SEC22C: variants seen among roughly 807,000 people sequenced by gnomAD.
SEC22C encodes the protein vesicle-trafficking protein SEC22c.
A neutral mutation model predicts 34.7 loss-of-function variants in SEC22C; 29 were observed. That is an observed-to-expected ratio of 0.84 (90% CI 0.62 to 1.14). SEC22C has a LOEUF of 1.14. Ranked by LOEUF, SEC22C falls within the 50% of genes most tolerant of loss-of-function variation. The probability of loss-of-function intolerance (pLI) is 0.00; values close to 1 mark genes in which losing one functional copy is unlikely to be tolerated. For synonymous variants in SEC22C, 117 were observed against 132.8 expected, an observed-to-expected ratio of 0.88 and a Z score of 0.82; for missense variants, 337 against 369.0, an observed-to-expected ratio of 0.91 and a Z score of 0.71.
rs370697059 is a variant in SEC22C at position 42,563,700 on chromosome 3, G to A, written c.183-14C>T. 6 of 1,613,324 alleles carry A rather than the reference G, an allele frequency of 3.7e-6. No individual in the cohort carries two copies. In the African/African-American group the frequency reaches 6.7e-5, roughly 18 times the overall value. ...AAAGAAGAAAAACTGAAACAAAAGG[G>A]CAATATCTGTATTACCAGGAAACAG... On this transcript the variant is annotated splice_polypyrimidine_tract_variant and intron_variant, in intron 2 of 6. Coordinates refer to ENST00000264454, the MANE Select transcript of SEC22C (RefSeq NM_032970.4).
At chr3:42,592,229 C>T (rs1002647942) in intron 1 of SEC22C, among the ~76,000 whole-genome samples, 3 of 150,968 alleles carry the variant, frequency 2.0e-5, no homozygotes, top group Admixed American at 6.6e-5. Context: ...TTGAGACAGT[C>T]TCCCTCTGTC....
chr3:42,587,420 A>G (rs1704647573), intron 1 of SEC22C: 1 of 152,004 alleles, frequency 6.6e-6, no homozygotes, highest in South Asian at 2.1e-4. Context: ...CCTGATAGAA[A>G]CTTTAATGAT....
chr3:42,589,030 C>T (rs540253065), intron 1 of SEC22C, among the ~76,000 whole-genome samples: 15 of 151,912 alleles, frequency 9.9e-5, no homozygotes, highest in African/African-American at 3.6e-4. Context: ...TTTTGGAGGC[C>T]GAAGCGGGCG....
chr3:42,571,648 A>G (rs766549053), intron 1 of SEC22C, among the ~76,000 whole-genome samples: 13 of 152,190 alleles, frequency 8.5e-5, no homozygotes, highest in Non-Finnish European at 1.9e-4. Flanking sequence ...CTTTACAGGG[A>G]TTTGATATTT....
chr3:42,592,253 T>C (rs1704877897), intron 1 of SEC22C, among the ~76,000 whole-genome samples: 1 of 151,840 alleles, frequency 6.6e-6, no homozygotes, highest in African/African-American at 2.4e-5. Context: ...CAGGCTGGAG[T>C]GCAGTGGTGC....
chr3:42,590,840 G>T (rs1055607553), intron 1 of SEC22C: 5 of 1,556,062 alleles, frequency 3.2e-6, no homozygotes, highest in Non-Finnish European at 3.5e-6. Flanking sequence ...CGAGAGCGTA[G>T]GCCCCACCTA....
At position 42,568,872 on chromosome 3, in the gene SEC22C, T is replaced by A. The variant is rs771217365; in HGVS notation, c.175A>T (p.Ser59Cys). Reference protein sequence around the residue: ...GRGSAEGCDFSIHFSSFGDVA... With the variant: ...GRGSAEGCDFCIHFSSFGDVA... Reference sequence around the variant, plus strand: ...GTGAATATGATCACTTACTGTATACTAAAGTCACAACCTTCTGCAGAACCT... The same window carrying A: ...GTGAATATGATCACTTACTGTATACAAAAGTCACAACCTTCTGCAGAACCT... The change falls in exon 2 of 7, where the codon AGT becomes TGT. Residue 59 changes from serine (S) to cysteine (C), a missense_variant. By Grantham distance (112) the Ser-to-Cys change is moderately radical. Coordinates refer to ENST00000264454, the MANE Select transcript of SEC22C (RefSeq NM_032970.4). 2.5e-6 allele frequency: 4 copies of A among 1,614,138 alleles called. No individual in the cohort carries two copies. The South Asian group carries it at 4.4e-5, about 18-fold the overall frequency.
intron 1 of SEC22C, among the ~76,000 whole-genome samples, chr3:42,573,043 G>T (rs1049677479): frequency 3.3e-5 from 5 of 151,976 alleles, no homozygotes; most frequent in African/African-American, 1.2e-4. Context: ...GTAGACACAG[G>T]GTCTCGCTAT....
intron 1 of SEC22C, chr3:42,590,683 ACTGCGCAAG>A: frequency 1.6e-6 from 1 of 614,044 alleles, no homozygotes; most frequent in South Asian, 1.9e-5. Context: ...CGCTCTCCAG[ACTGCGCAAG>A]CGCAAAGGAT....
chr3:42,594,048 C>G (rs1704952760), intron 1 of SEC22C, among the ~76,000 whole-genome samples: 1 of 145,826 alleles, frequency 6.9e-6, no homozygotes, highest in Admixed American at 6.7e-5. Flanking sequence ...AACAGCTCAC[C>G]TTTACCTGAA....
At position 42,561,233 on chromosome 3, in the gene SEC22C, C is replaced by G; in HGVS notation, c.410G>C (p.Ser137Thr). The G allele has an allele frequency of 6.2e-7, 1 of 1,614,202 alleles. No homozygotes were observed. The highest frequency in any genetic ancestry group is 8.5e-7 in the Non-Finnish European group (1 of 1,180,024). ...GAGCTCCTCCTGAATTTTTTCCAAGCTGCACTCCATCTGAGAGGAACTTAC... is the reference window on the plus strand; with the variant it reads ...GAGCTCCTCCTGAATTTTTTCCAAGGTGCACTCCATCTGAGAGGAACTTAC... ...NYVSSSQMEC[S>T]LEKIQEELKL... The change falls in exon 4 of 7, where the codon AGC (serine) becomes ACC (threonine). Residue 137 changes from serine to threonine, a missense_variant. Ser to Thr is a moderately conservative substitution (Grantham distance 58, BLOSUM62 1). Coordinates refer to ENST00000264454, the MANE Select transcript of SEC22C (RefSeq NM_032970.4).
upstream of SEC22C, among the ~76,000 whole-genome samples, chr3:42,584,603 T>G (rs1278525628): frequency 2.6e-5 from 4 of 152,280 alleles, no homozygotes; most frequent in East Asian, 7.7e-4. Flanking sequence ...GAAATCGAAG[T>G]GGGGCTTACA....
chr3:42,567,601 G>C (rs1703329668), intron 2 of SEC22C, among the ~76,000 whole-genome samples: 1 of 152,160 alleles, frequency 6.6e-6, no homozygotes, highest in African/African-American at 2.4e-5. Flanking sequence ...AATAATATCA[G>C]TTATTGTAAC....
chr3:42,582,148 G>A (rs1416237459), upstream of SEC22C: 2 of 152,228 alleles, frequency 1.3e-5, no homozygotes, highest in Non-Finnish European at 2.9e-5. Context: ...GGAGTGTGAC[G>A]GGGGCGCGCG....
chr3:42,593,357 C>T (rs993130373), intron 1 of SEC22C, among the ~76,000 whole-genome samples: 2 of 152,182 alleles, frequency 1.3e-5, no homozygotes, highest in African/African-American at 4.8e-5. Context: ...GTGGAGGTTG[C>T]AGTGAGCCAA....
chr3:42,553,979 G>C (rs1175619287), intron 6 of SEC22C, among the ~76,000 whole-genome samples: 1 of 152,168 alleles, frequency 6.6e-6, no homozygotes, highest in African/African-American at 2.4e-5. Context: ...TCTGAGTCAG[G>C]GAAAGGTCTC....
chr3:42,553,078 A>G lies in SEC22C; in HGVS notation c.*170T>C, dbSNP rs1702324536. On this transcript the variant is annotated 3_prime_UTR_variant, in exon 7 of 7. Coordinates refer to ENST00000264454, the MANE Select transcript of SEC22C (RefSeq NM_032970.4). ...TGGCACAGAACCAAGGCTGGGTATC[A>G]AGCAACCTCATGACTTCCACTGCAA... 7.0e-7 allele frequency: 1 copy of G among 1,437,250 alleles called. No homozygotes were observed. The highest frequency in any genetic ancestry group is 9.1e-7 in the Non-Finnish European group (1 of 1,102,594). The allele number at this position is 1,437,250 out of a possible 1,614,324, so 89.0% of individuals were successfully genotyped here.
chr3:42,595,734 C>T (rs1402035412), intron 1 of SEC22C, among the ~76,000 whole-genome samples: 1 of 152,210 alleles, frequency 6.6e-6, no homozygotes, highest in Non-Finnish European at 1.5e-5. Flanking sequence ...GCCCAGGTCC[C>T]TGCTCCTTTT....
At chr3:42,563,785 G>A (rs1703069596) in intron 2 of SEC22C, 99 bp from the exon 3 acceptor site, 2 of 1,572,102 alleles carry the variant, frequency 1.3e-6, no homozygotes, top group South Asian at 2.3e-5. Flanking sequence ...CACTTGCTTG[G>A]CTTTAAACAG....
Sources: gnomAD v4.1 joint callset for allele counts (sites outside exome capture counted in the v4.1 genomes callset) on GRCh38, gnomAD v4.1.1 for gene constraint, MANE v1.5 for transcripts, NCBI Gene and HGNC (gene_info 2026-07-23, HGNC 2026-07-21) for gene names.